Variants in ATRNL1 observed in about 807,000 individuals in gnomAD.
The protein encoded by ATRNL1 is attractin-like protein 1.
In ATRNL1, 95 loss-of-function variants were observed where a neutral mutation model predicts 182.7. The ratio of observed to expected loss-of-function variants is 0.52; its 90% CI spans 0.44 to 0.62. ATRNL1 has a LOEUF of 0.62. ATRNL1 is among the 20% of genes least tolerant of loss of function. The pLI is 0.00. For missense variants in ATRNL1, 1,471 were observed against 1,679.5 expected (o/e 0.88, Z 2.17); for synonymous variants, 576 against 568.3 (o/e 1.01, Z -0.19).
chr10:115,262,293 C>T (rs972022116), intron 10 of ATRNL1, among the ~76,000 whole-genome samples: 2 of 150,784 alleles, frequency 1.3e-5, no homozygotes, highest in Admixed American at 1.3e-4. Context: ...AAATGATGCA[C>T]AAGTTAGTGG....
chr10:115,155,640 T>A (rs1247261193), intron 5 of ATRNL1, among the ~76,000 whole-genome samples: 1 of 152,192 alleles, frequency 6.6e-6, no homozygotes, highest in African/African-American at 2.4e-5. Flanking sequence ...ATTGATTGAT[T>A]CCATAAGTGT....
intron 26 of ATRNL1, among the ~76,000 whole-genome samples, chr10:115,558,492 CATCT>C (rs1328666014): frequency 1.3e-5 from 2 of 152,308 alleles, no homozygotes; most frequent in African/African-American, 4.8e-5. Context: ...TCTCCCTTTC[CATCT>C]GAGATGTGGC....
At chr10:115,430,822 C>T (rs1036312116) in intron 21 of ATRNL1, among the ~76,000 whole-genome samples, 4 of 152,062 alleles carry the variant, frequency 2.6e-5, no homozygotes, top group Non-Finnish European at 5.9e-5. Flanking sequence ...ACGTGGGTGC[C>T]GTGGGCATCT....
intron 17 of ATRNL1, among the ~76,000 whole-genome samples, chr10:115,313,913 A>G (rs576814745): frequency 2.4e-4 from 36 of 152,282 alleles, no homozygotes; most frequent in African/African-American, 7.9e-4. Flanking sequence ...AACCCAATAT[A>G]CTTTTGAAAA....
intron 26 of ATRNL1, among the ~76,000 whole-genome samples, chr10:115,595,069 G>T (rs540335183): frequency 6.6e-6 from 1 of 152,168 alleles, no homozygotes; most frequent in Admixed American, 6.5e-5. Context: ...AAACATTCAT[G>T]TAAATCAATA....
At chr10:115,884,356 T>A (rs1390322337) in intron 28 of ATRNL1, among the ~76,000 whole-genome samples, 2 of 152,186 alleles carry the variant, frequency 1.3e-5, no homozygotes, top group Non-Finnish European at 2.9e-5. Flanking sequence ...AAGCCATATC[T>A]CAACATAGCC....
intron 18 of ATRNL1, among the ~76,000 whole-genome samples, chr10:115,317,643 T>C (rs1854368732): frequency 6.6e-6 from 1 of 152,206 alleles, no homozygotes; most frequent in Admixed American, 6.5e-5. Flanking sequence ...AGGTATTTTA[T>C]TCTCTTTGTA....
chr10:115,166,919 A>G, intron 7 of ATRNL1, among the ~76,000 whole-genome samples: 1 of 151,812 alleles, frequency 6.6e-6, no homozygotes, highest in South Asian at 2.1e-4. Flanking sequence ...TTTTAATTTT[A>G]ATTTATTTTT....
At chr10:115,458,017 T>C (rs527437593) in intron 21 of ATRNL1, among the ~76,000 whole-genome samples, 86 of 152,318 alleles carry the variant, frequency 5.6e-4, no homozygotes, top group African/African-American at 2.0e-3. Flanking sequence ...AATTGATTTA[T>C]AGTCAATCAT....
At chr10:115,737,029 T>C (rs1203880566) in intron 27 of ATRNL1, among the ~76,000 whole-genome samples, 1 of 152,170 alleles carries the variant, frequency 6.6e-6, no homozygotes, top group Non-Finnish European at 1.5e-5. Context: ...TGCTTGCTGC[T>C]CATTGCACCC....
chr10:115,858,033 G>T (rs1300179587), intron 28 of ATRNL1, among the ~76,000 whole-genome samples: 1 of 152,180 alleles, frequency 6.6e-6, no homozygotes, highest in Non-Finnish European at 1.5e-5. Context: ...AAAATGTGTT[G>T]CAATACCCAA....
At chr10:115,678,148 A>T (rs1555043632) in intron 26 of ATRNL1, among the ~76,000 whole-genome samples, 1 of 152,116 alleles carries the variant, frequency 6.6e-6, no homozygotes, top group East Asian at 1.9e-4. Context: ...ATGATATAAA[A>T]AATAATAATT....
intron 26 of ATRNL1, among the ~76,000 whole-genome samples, chr10:115,589,398 C>T (rs1389868427): frequency 6.6e-6 from 1 of 152,078 alleles, no homozygotes; most frequent in African/African-American, 2.4e-5. Context: ...CATTATTTTA[C>T]AATTATCCTT....
chr10:115,283,519 G>A (rs1028594918), intron 14 of ATRNL1, among the ~76,000 whole-genome samples: 46 of 152,156 alleles, frequency 3.0e-4, no homozygotes, highest in African/African-American at 1.1e-3. Context: ...AGTGCGATGT[G>A]CATGTGTGCT....
intron 26 of ATRNL1, among the ~76,000 whole-genome samples, chr10:115,557,881 C>T (rs1436871332): frequency 6.6e-6 from 1 of 151,888 alleles, no homozygotes; most frequent in Non-Finnish European, 1.5e-5. Context: ...CCCATCTCTG[C>T]TAAAAATACA....
intron 17 of ATRNL1, among the ~76,000 whole-genome samples, chr10:115,304,943 A>G (rs1428117600): frequency 6.6e-6 from 1 of 152,122 alleles, no homozygotes; most frequent in Non-Finnish European, 1.5e-5. Flanking sequence ...AGGTGTTTTA[A>G]AAAGAAATGA....
intron 27 of ATRNL1, among the ~76,000 whole-genome samples, chr10:115,825,847 A>C (rs1465857997): frequency 2.6e-5 from 4 of 152,146 alleles, no homozygotes; most frequent in African/African-American, 9.7e-5. Flanking sequence ...TGTATAGCCT[A>C]TGTATCGTTG....
At chr10:115,239,484 G>A (rs1850322194) in intron 9 of ATRNL1, among the ~76,000 whole-genome samples, 1 of 151,946 alleles carries the variant, frequency 6.6e-6, no homozygotes, top group African/African-American at 2.4e-5. Context: ...CGCCCACTTC[G>A]GCCTCCCAAA....
chr10:115,630,196 A>G (rs1000745861), intron 26 of ATRNL1, among the ~76,000 whole-genome samples: 1 of 152,102 alleles, frequency 6.6e-6, no homozygotes, highest in South Asian at 2.1e-4. Flanking sequence ...TTAAAAATGG[A>G]CAAAAGACTT....
Sources: allele counts gnomAD v4.1 joint callset (sites outside exome capture counted in the v4.1 genomes callset), GRCh38; gene constraint gnomAD v4.1.1; transcripts MANE v1.5; gene names NCBI Gene and HGNC (gene_info 2026-07-23, HGNC 2026-07-21).